The following MYO1D variants were observed in gnomAD, a reference collection of about 807,000 sequenced individuals.
The protein encoded by MYO1D is unconventional myosin-Id.
In MYO1D, 83 loss-of-function variants were observed where a neutral mutation model predicts 122.0. The observed-to-expected ratio is 0.68, with a 90% confidence interval of 0.57 to 0.82. The LOEUF is 0.82. Ranked by LOEUF, MYO1D falls within the 40% of genes least tolerant of loss-of-function variation. MYO1D has a pLI of 0.00. For synonymous variants in MYO1D, 464 were observed against 446.9 expected (o/e 1.04, Z -0.48); for missense variants, 1,157 against 1,269.5 (o/e 0.91, Z 1.35).
rs2088913752 is a variant in MYO1D, at chr17:32,681,313, T to G, written c.2122-21975A>C. On this transcript the variant is annotated intron_variant, in intron 16 of 21. Coordinates refer to ENST00000318217, the MANE Select transcript of MYO1D (RefSeq NM_015194.3). ...TGCTAGCTTTTGAATGTGCTTGCTC[T>G]TGCTTTTCTAGTTCTTTTAATTGTG... 2.1e-5 allele frequency among the ~76,000 whole-genome samples: 3 copies of G among 142,576 alleles called. No individual in the cohort carries two copies. The South Asian group carries it at 7.1e-4, about 34-fold the overall frequency. The allele number at this position is 142,576 out of a possible 152,430, so 93.5% of individuals were successfully genotyped here.
rs1292653470 is a variant in MYO1D at position 32,605,201 on chromosome 17, A to G, written c.2750T>C (p.Val917Ala). 2.5e-6 allele frequency: 4 copies of G among 1,597,826 alleles called. No homozygotes were observed. Among genetic ancestry groups the G allele is most frequent in the Non-Finnish European group, 3.4e-6 (4 of 1,167,616 alleles). ...TTTGTTGTCTTTCGTATGGAACACT[A>G]CAAGTTGGTCCTTTCCATTGGAGAC... ...LSVSNGKDQL[V>A]VFHTKDNKDL... The change falls in exon 21 of 22, where the codon GTA becomes GCA. Residue 917 changes from valine to alanine, a missense_variant. Physicochemically the swap from Val to Ala is moderately conservative, Grantham distance 64. Coordinates refer to ENST00000318217, the MANE Select transcript of MYO1D (RefSeq NM_015194.3).
intron 14 of MYO1D, chr17:32,727,635 A>T (rs187498783): frequency 1.3e-5 from 2 of 152,334 alleles, no homozygotes; most frequent in Admixed American, 6.5e-5. Flanking sequence ...AGAAATACAG[A>T]AAAAAAGAAA....
intron 17 of MYO1D, among the ~76,000 whole-genome samples, chr17:32,657,034 G>C (rs2088486448): frequency 6.6e-6 from 1 of 152,156 alleles, no homozygotes; most frequent in African/African-American, 2.4e-5. Flanking sequence ...AGCCACCCAT[G>C]CTTCTCATCC....
At chr17:32,836,904 C>T (rs2090830685) in intron 1 of MYO1D, among the ~76,000 whole-genome samples, 1 of 152,000 alleles carries the variant, frequency 6.6e-6, no homozygotes, top group Non-Finnish European at 1.5e-5. Flanking sequence ...TGAGTATATA[C>T]CTAGGAGTTA....
At position 32,865,159 on chromosome 17, in the gene MYO1D, A is replaced by T. The variant is rs375622439; in HGVS notation, c.95+11619T>A. Among the ~76,000 whole-genome samples, 40 of 152,344 alleles carry T rather than the reference A, an allele frequency of 2.6e-4. No homozygotes were observed. In the East Asian group the frequency reaches 7.1e-3, roughly 27 times the overall value. On this transcript the variant is annotated intron_variant, in intron 1 of 21. Coordinates refer to ENST00000318217, the MANE Select transcript of MYO1D (RefSeq NM_015194.3). ...CCAATGATGGGGTTTATCCAAAATAAATATGTTGTTGGGTTTTTTTCATGG... is the reference window on the plus strand; with the variant it reads ...CCAATGATGGGGTTTATCCAAAATATATATGTTGTTGGGTTTTTTTCATGG...
chr17:32,772,276 AT>A (rs2090121530), intron 5 of MYO1D, among the ~76,000 whole-genome samples: 1 of 152,106 alleles, frequency 6.6e-6, no homozygotes, highest in African/African-American at 2.4e-5. Context: ...AAATACTCAA[AT>A]TTTTTTCTAA....
intron 1 of MYO1D, among the ~76,000 whole-genome samples, chr17:32,810,818 G>A (rs980513526): frequency 2.6e-5 from 4 of 152,072 alleles, no homozygotes; most frequent in Non-Finnish European, 5.9e-5. Flanking sequence ...CAATTTCCTC[G>A]GCTTAGGATA....
chr17:32,802,391 T>A (rs750956848), intron 1 of MYO1D, among the ~76,000 whole-genome samples: 18 of 152,236 alleles, frequency 1.2e-4, no homozygotes, highest in Non-Finnish European at 2.5e-4. Flanking sequence ...TTCTAAGTTT[T>A]ATTTTTAATA....
chr17:32,582,749 T>C (rs946970129), intron 21 of MYO1D, among the ~76,000 whole-genome samples: 1 of 152,224 alleles, frequency 6.6e-6, no homozygotes, highest in Non-Finnish European at 1.5e-5. Flanking sequence ...GACAGAAGAA[T>C]TGAAATTTCC....
At chr17:32,518,938 C>A (rs1483176190) in intron 21 of MYO1D, 1 of 152,274 alleles carries the variant, frequency 6.6e-6, no homozygotes, top group Non-Finnish European at 1.5e-5. Context: ...AGGTTCTCTG[C>A]GGCCCGGGTA....
At chr17:32,561,685 T>C (rs1168648247) in intron 21 of MYO1D, among the ~76,000 whole-genome samples, 1 of 91,888 alleles carries the variant, frequency 1.1e-5, no homozygotes, top group African/African-American at 5.8e-5. Flanking sequence ...GGAGGCTCTG[T>C]CTCAAAAAAA....
chr17:32,638,969 G>A, intron 19 of MYO1D, 134 bp from the exon 20 acceptor site: 1 of 597,138 alleles, frequency 1.7e-6, no homozygotes, highest in South Asian at 2.2e-5. Context: ...AGATTTAAAA[G>A]GAGTAGCTGT....
chr17:32,670,333 G>A (rs968024154), intron 16 of MYO1D, among the ~76,000 whole-genome samples: 4 of 151,884 alleles, frequency 2.6e-5, no homozygotes, highest in East Asian at 1.9e-4. Flanking sequence ...AATATTTAGG[G>A]GTAAAGGGTA....
chr17:32,707,890 G>A (rs745809696), intron 16 of MYO1D, among the ~76,000 whole-genome samples: 1 of 152,218 alleles, frequency 6.6e-6, no homozygotes, highest in Non-Finnish European at 1.5e-5. Context: ...CACTTGGCAT[G>A]TGTTGACACA....
rs148364143 is a variant in MYO1D, at chr17:32,784,483, A to C, written c.96-3699T>G. ...CTTTTTAGAACTTCCTAAATGGTTAACATAAATTAATAGCAATTGATTTTT... is the reference window on the plus strand; with the variant it reads ...CTTTTTAGAACTTCCTAAATGGTTACCATAAATTAATAGCAATTGATTTTT... On this transcript the variant is annotated intron_variant, in intron 1 of 21. Transcript: ENST00000318217. Among the ~76,000 whole-genome samples the C allele has an allele frequency of 5.4e-4, 82 of 152,180 alleles. 1 individual carries two copies. The highest frequency in any genetic ancestry group is 1.9e-3 in the African/African-American group (78 of 41,530).
At chr17:32,607,339 A>G (rs1338087240) in intron 20 of MYO1D, among the ~76,000 whole-genome samples, 2 of 152,186 alleles carry the variant, frequency 1.3e-5, no homozygotes, top group Non-Finnish European at 2.9e-5. Flanking sequence ...ATATTTCTAT[A>G]TTAGCAATGA....
intron 12 of MYO1D, 35 bp downstream of exon 12, chr17:32,748,901 G>A (rs761647715): frequency 1.7e-5 from 27 of 1,556,872 alleles, no homozygotes; most frequent in Non-Finnish European, 2.4e-5. Context: ...GAGGCGGCAT[G>A]CAAATCATGG....
rs368468759 is a variant in MYO1D, at chr17:32,794,571, G to A, written c.96-13787C>T. ...AGCATTGTGCTGGGAGCCACAAGCA[G>A]AAGAATAAACAGCAGACTCATCTCC... is the stretch of plus-strand genomic sequence containing the variant. On this transcript the variant is annotated intron_variant, in intron 1 of 21. Transcript: ENST00000318217. Among the ~76,000 whole-genome samples, 78 of 152,008 alleles carry A rather than the reference G, an allele frequency of 5.1e-4. No homozygotes were observed. The South Asian group carries it at 0.015, about 30-fold the overall frequency.
chr17:32,663,871 C>T (rs1407737066), intron 16 of MYO1D, among the ~76,000 whole-genome samples: 1 of 152,150 alleles, frequency 6.6e-6, no homozygotes. Context: ...AAGAACATAT[C>T]GATTTTTTAA....
Sources: gnomAD v4.1 joint callset for allele counts (sites outside exome capture counted in the v4.1 genomes callset) on GRCh38, gnomAD v4.1.1 for gene constraint, MANE v1.5 for transcripts, NCBI Gene and HGNC (gene_info 2026-07-23, HGNC 2026-07-21) for gene names.